STAG2: variants seen among roughly 807,000 people sequenced by gnomAD.
STAG2 encodes the protein cohesin subunit SA-2.
In STAG2, 14 loss-of-function variants were observed where a neutral mutation model predicts 108.1. The observed-to-expected ratio is 0.13, with a 90% CI of 0.09 to 0.20. The LOEUF is 0.20. Among genes scored for constraint, STAG2 ranks in the 10% least tolerant of loss-of-function variants. STAG2 has a pLI of 1.00. For missense variants in STAG2, 440 were observed against 940.9 expected (o/e 0.47, Z 6.96); for synonymous variants, 307 against 302.7 (o/e 1.01, Z -0.15).
chrX:124,068,616 A>G lies in STAG2; in HGVS notation c.2318A>G (p.Gln773Arg). ...ATGAGAGTATTTTGTCAGATATGTC[A>G]ACATTACCTGACCAACGTGAATACT... ...KQMRVFCQIC[Q>R]HYLTNVNTTV... The change falls in exon 24 of 35, where the codon CAA becomes CGA. Residue 773 changes from glutamine to arginine, a missense_variant. By Grantham distance (43) the Gln-to-Arg change is conservative (BLOSUM62 1). This residue lies in a region of STAG2 where 337 missense variants were observed against 649.3 expected (regional missense o/e 0.52). Transcript: ENST00000371145. 1 of 1,194,489 alleles carries G rather than the reference A, an allele frequency of 8.4e-7. No individual in the cohort carries two copies. The highest frequency in any genetic ancestry group is 1.9e-5 in the South Asian group (1 of 53,088).
At chrX:123,975,846 A>C (rs948094901) in intron 1 of STAG2, among the ~76,000 whole-genome samples, 2 of 112,662 alleles carry the variant, frequency 1.8e-5, no homozygotes, top group African/African-American at 6.4e-5. Context: ...AGTTATATTC[A>C]TATTTGGGTA....
At chrX:123,969,585 A>G (rs1436870075) in intron 1 of STAG2, among the ~76,000 whole-genome samples, 1 of 110,870 alleles carries the variant, frequency 9.0e-6, no homozygotes, top group Non-Finnish European at 1.9e-5. Flanking sequence ...TAAATAGTTA[A>G]TATCAGGGCC....
chrX:124,063,303 G>T (rs1322680248), intron 19 of STAG2, 98 bp downstream of exon 19: 2 of 680,120 alleles, frequency 2.9e-6, no homozygotes, highest in East Asian at 3.6e-5. Flanking sequence ...TTTTTGGAAC[G>T]TATTTTAAGA....
chrX:123,992,086 G>A lies in STAG2; in HGVS notation c.-162-29281G>A, dbSNP rs757063251. 8.0e-5 allele frequency among the ~76,000 whole-genome samples: 9 copies of A among 112,056 alleles called. No individual in the cohort carries two copies. The South Asian group carries it at 3.3e-3, about 41-fold the overall frequency. ...CAAATATTGGGCCATTTTATATAAG[G>A]GACTTGAGCAACTATGGATTTTGGT... On this transcript the variant is annotated intron_variant, in intron 1 of 34. Coordinates refer to ENST00000371145, the MANE Select transcript of STAG2 (RefSeq NM_001042750.2).
intron 16 of STAG2, among the ~76,000 whole-genome samples, 160 bp from the exon 17 acceptor site, chrX:124,061,611 G>A (rs2058378525): frequency 9.0e-6 from 1 of 110,653 alleles, no homozygotes. Flanking sequence ...TTAGGAAGGT[G>A]ATGTTTTCTG....
chrX:124,044,493 C>T (rs200447112), intron 7 of STAG2, among the ~76,000 whole-genome samples: 21 of 111,100 alleles, frequency 1.9e-4, no homozygotes, highest in East Asian at 1.4e-3. Context: ...TGTCAGAGAC[C>T]GTTACTTTTA....
chrX:124,088,182 C>CT lies in STAG2; in HGVS notation c.3277+1421dup, dbSNP rs751643742. Among the ~76,000 whole-genome samples, 1,070 of 108,825 alleles carry CT rather than the reference C, an allele frequency of 9.8e-3. 9 individuals carry two copies. Among genetic ancestry groups the CT allele is most frequent in the African/African-American group, 0.025 (763 of 29,985 alleles). 94.5% of individuals were successfully genotyped at this position (108,825 alleles called of 115,157 possible). ...GCTGGGCCATCAAATCTCTCTCTCT[C>CT]TTTTTTTTTAGACCTCATGGAAACA... is the stretch of plus-strand genomic sequence containing the variant. On this transcript the variant is annotated intron_variant, in intron 30 of 34. Coordinates refer to ENST00000371145, the MANE Select transcript of STAG2 (RefSeq NM_001042750.2).
upstream of STAG2, chrX:123,961,060 C>G (rs1486305126): frequency 8.9e-6 from 1 of 111,812 alleles, no homozygotes; most frequent in Non-Finnish European, 1.9e-5. Context: ...AGCCATGGAA[C>G]GGGGGGCAGA....
chrX:124,094,904 G>T (rs973618711), intron 33 of STAG2, among the ~76,000 whole-genome samples: 1 of 108,960 alleles, frequency 9.2e-6, no homozygotes, highest in African/African-American at 3.3e-5. Context: ...TGAGTTTTCC[G>T]GTTTTTGTCT....
In STAG2 at chrX:124,077,696, G is replaced by C. The variant is rs1322995087; in HGVS notation, c.2674-261G>C. On this transcript the variant is annotated intron_variant, in intron 26 of 34. Transcript: ENST00000371145. ...TTGTTGTTTTGACTAAAACTGACCA[G>C]TATACCGTCTTTATTTTAACCAAGT... is the stretch of plus-strand genomic sequence containing the variant. Among the ~76,000 whole-genome samples, 3 of 111,721 alleles carry C rather than the reference G, an allele frequency of 2.7e-5. No individual in the cohort carries two copies. The East Asian group carries it at 8.3e-4, about 31-fold the overall frequency.
Position 124,065,909 on chromosome X carries a change from G to A in STAG2, c.2059G>A (p.Val687Ile). ...EEPDEDDAYQ[V>I]LSTLKRITAF... ...ACCTGATGAAGATGATGCATATCAGGTATTGTCAACATTGAAGAGGATCAC... is the reference window on the plus strand; with the variant it reads ...ACCTGATGAAGATGATGCATATCAGATATTGTCAACATTGAAGAGGATCAC... The change falls in exon 21 of 35, where the codon GTA becomes ATA. Residue 687 changes from valine to isoleucine, a missense_variant. Physicochemically the swap from Val to Ile is conservative, Grantham distance 29. Coordinates refer to ENST00000371145, the MANE Select transcript of STAG2 (RefSeq NM_001042750.2). 1 of 1,178,029 alleles carries A rather than the reference G, an allele frequency of 8.5e-7. No individual in the cohort carries two copies. Among genetic ancestry groups the A allele is most frequent in the African/African-American group, 1.8e-5 (1 of 56,202 alleles).
chrX:123,980,013 C>T (rs1449246242), intron 1 of STAG2, among the ~76,000 whole-genome samples: 1 of 112,011 alleles, frequency 8.9e-6, no homozygotes, highest in Non-Finnish European at 1.9e-5. Context: ...TTTGATAGCA[C>T]ATAGTTTTTT....
intron 10 of STAG2, among the ~76,000 whole-genome samples, chrX:124,049,352 C>T (rs1351446438): frequency 9.0e-6 from 1 of 111,549 alleles, no homozygotes; most frequent in African/African-American, 3.3e-5. Flanking sequence ...TACTTAATTG[C>T]CTTTGGATGC....
chrX:124,014,296 T>G (rs1027268393), intron 1 of STAG2, among the ~76,000 whole-genome samples: 1 of 112,087 alleles, frequency 8.9e-6, no homozygotes, highest in Non-Finnish European at 1.9e-5. Flanking sequence ...GTTCAGTTTG[T>G]CTACTTAGTT....
chrX:124,067,442 A>G (rs1283678914), intron 23 of STAG2, among the ~76,000 whole-genome samples: 1 of 109,803 alleles, frequency 9.1e-6, no homozygotes, highest in Non-Finnish European at 1.9e-5. Flanking sequence ...TAACTTTTGC[A>G]TTTTTAGTAG....
intron 1 of STAG2, among the ~76,000 whole-genome samples, chrX:123,967,571 A>T (rs2054164261): frequency 9.0e-6 from 1 of 111,160 alleles, no homozygotes; most frequent in African/African-American, 3.3e-5. Context: ...CAGCTGGCCT[A>T]TTCTTTTTTA....
At chrX:124,062,872 A>G in intron 17 of STAG2, 30 bp from the exon 18 acceptor site, 1 of 1,140,666 alleles carries the variant, frequency 8.8e-7, no homozygotes. Context: ...AATGGGCTTA[A>G]TAAATACAGA....
intron 4 of STAG2, among the ~76,000 whole-genome samples, chrX:124,028,886 T>C (rs1411633925): frequency 2.0e-5 from 2 of 101,293 alleles, no homozygotes; most frequent in Non-Finnish European, 4.0e-5. Flanking sequence ...CTCCTGGCCT[T>C]AAGCAATCTT....
intron 1 of STAG2, among the ~76,000 whole-genome samples, chrX:123,974,920 A>T (rs1279856003): frequency 8.9e-6 from 1 of 111,941 alleles, no homozygotes; most frequent in East Asian, 2.8e-4. Flanking sequence ...CACACTCATC[A>T]TATAAAATGA....
Sources: allele counts gnomAD v4.1 joint callset (sites outside exome capture counted in the v4.1 genomes callset), GRCh38; gene constraint gnomAD v4.1.1; regional missense constraint gnomAD v4.1.1; transcripts MANE v1.5; gene names NCBI Gene and HGNC (gene_info 2026-07-23, HGNC 2026-07-21).